KANK1: variants seen among roughly 807,000 people sequenced by gnomAD.
The protein encoded by KANK1 is KN motif and ankyrin repeat domain-containing protein 1.
KANK1 carries 109 observed loss-of-function variants against 106.2 expected under a neutral mutation model. The observed-to-expected ratio is 1.03, with a 90% CI of 0.88 to 1.20. The LOEUF (loss-of-function observed/expected upper bound fraction) is 1.20, where lower values mean the gene tolerates loss of function less well. Ranked by LOEUF, KANK1 falls within the 50% of genes most tolerant of loss-of-function variation. The pLI is 0.00. For missense variants in KANK1, 2,399 were observed against 1,710.7 expected, an observed-to-expected ratio of 1.40 and a Z score of -7.10; for synonymous variants, 873 against 652.2, an observed-to-expected ratio of 1.34 and a Z score of -5.16.
intron 1 of KANK1, among the ~76,000 whole-genome samples, chr9:518,119 C>T (rs12349522): frequency 2.6e-5 from 4 of 151,596 alleles, no homozygotes; most frequent in Non-Finnish European, 5.9e-5. Flanking sequence ...CTCTTTCCTG[C>T]TCTGTCAACT....
At chr9:619,979 A>T (rs1380597148) in intron 1 of KANK1, among the ~76,000 whole-genome samples, 1 of 152,104 alleles carries the variant, frequency 6.6e-6, no homozygotes, top group Non-Finnish European at 1.5e-5. Context: ...TCTACTAAAA[A>T]TAAGAAAATT....
chr9:708,654 A>G (rs1366472765), intron 2 of KANK1, among the ~76,000 whole-genome samples: 3 of 152,160 alleles, frequency 2.0e-5, no homozygotes, highest in South Asian at 4.1e-4. Flanking sequence ...CAGCATTCAC[A>G]CTGTCGGGTG....
intron 1 of KANK1, among the ~76,000 whole-genome samples, chr9:615,043 C>G (rs189393957): frequency 7.2e-5 from 11 of 151,938 alleles, no homozygotes; most frequent in African/African-American, 2.7e-4. Context: ...TGGGCCCAAG[C>G]AATTCTCTTA....
At chr9:696,339 T>G (rs1251227704) in intron 2 of KANK1, among the ~76,000 whole-genome samples, 1 of 151,238 alleles carries the variant, frequency 6.6e-6, no homozygotes, top group Non-Finnish European at 1.5e-5. Context: ...TAGAGTCTGG[T>G]AGAGAAACAC....
chr9:517,487 A>C (rs1247421332), intron 1 of KANK1, among the ~76,000 whole-genome samples: 3 of 151,654 alleles, frequency 2.0e-5, no homozygotes, highest in African/African-American at 7.3e-5. Flanking sequence ...TTTTAGGTTT[A>C]TTTTAGCCAA....
chr9:723,173 G>A (rs998873370), intron 3 of KANK1, among the ~76,000 whole-genome samples: 3 of 152,178 alleles, frequency 2.0e-5, no homozygotes, highest in African/African-American at 7.2e-5. Flanking sequence ...GAGTGGAGGA[G>A]TAGCTGAGAG....
intron 1 of KANK1, among the ~76,000 whole-genome samples, chr9:609,894 C>G (rs1287119267): frequency 2.0e-5 from 3 of 152,116 alleles, no homozygotes; most frequent in Non-Finnish European, 4.4e-5. Context: ...AATTGTACCA[C>G]TCTCACATAG....
chr9:632,019 G>A (rs1248354473), intron 1 of KANK1, among the ~76,000 whole-genome samples: 2 of 152,174 alleles, frequency 1.3e-5, no homozygotes, highest in African/African-American at 4.8e-5. Context: ...TATTGCATGA[G>A]TACAAAGACT....
chr9:734,642 G>C, intron 6 of KANK1, 106 bp from the exon 7 acceptor site: 1 of 721,558 alleles, frequency 1.4e-6, no homozygotes, highest in Non-Finnish European at 2.4e-6. Flanking sequence ...CTCCAGCCTG[G>C]GCGACAGAGC....
chr9:529,217 G>A (rs2059942680), intron 1 of KANK1, among the ~76,000 whole-genome samples: 1 of 148,624 alleles, frequency 6.7e-6, no homozygotes, highest in African/African-American at 2.5e-5. Context: ...AGATAACTCT[G>A]TTAATATATA....
intron 1 of KANK1, among the ~76,000 whole-genome samples, chr9:595,698 T>G (rs1197163998): frequency 2.0e-5 from 3 of 151,650 alleles, no homozygotes; most frequent in African/African-American, 4.9e-5. Flanking sequence ...GCTAATTTAT[T>G]TTTTGTAGAG....
chr9:567,333 C>T (rs1295529002), intron 1 of KANK1, among the ~76,000 whole-genome samples: 2 of 152,166 alleles, frequency 1.3e-5, no homozygotes, highest in Non-Finnish European at 2.9e-5. Flanking sequence ...TACATCTTAG[C>T]AGAATTCAGG....
intron 1 of KANK1, among the ~76,000 whole-genome samples, chr9:537,233 A>T (rs2060348048): frequency 6.6e-6 from 1 of 152,160 alleles, no homozygotes; most frequent in South Asian, 2.1e-4. Flanking sequence ...TTGCGTGGGA[A>T]AATTGGACCC....
intron 1 of KANK1, among the ~76,000 whole-genome samples, chr9:601,781 A>T (rs531228661): frequency 6.6e-6 from 1 of 151,764 alleles, no homozygotes; most frequent in East Asian, 1.9e-4. Context: ...ACTTCCTCAC[A>T]TTATGGCATC....
intron 1 of KANK1, among the ~76,000 whole-genome samples, chr9:508,366 A>G (rs2058871396): frequency 6.6e-6 from 1 of 151,688 alleles, no homozygotes; most frequent in Non-Finnish European, 1.5e-5. Context: ...CGAACTCCCG[A>G]CCTCAGGTGA....
intron 3 of KANK1, among the ~76,000 whole-genome samples, chr9:497,861 A>C (rs113557734): frequency 0.065 from 9,044 of 139,346 alleles, 347 homozygotes; most frequent in Admixed American, 0.1. Flanking sequence ...TTAACCCCCC[A>C]CACACACACA....
chr9:648,578 A>G (rs1398586594), intron 1 of KANK1, among the ~76,000 whole-genome samples: 1 of 152,202 alleles, frequency 6.6e-6, no homozygotes, highest in Non-Finnish European at 1.5e-5. Flanking sequence ...TTAAAATGAC[A>G]TCATCATCGT....
chr9:594,287 C>G (rs1309720504), intron 1 of KANK1, among the ~76,000 whole-genome samples: 2 of 151,828 alleles, frequency 1.3e-5, no homozygotes, highest in African/African-American at 4.9e-5. Context: ...GTGTAGTTTT[C>G]AGGCAGGAGG....
intron 1 of KANK1, among the ~76,000 whole-genome samples, chr9:560,573 G>A (rs1171026440): frequency 6.6e-6 from 1 of 152,168 alleles, no homozygotes; most frequent in Non-Finnish European, 1.5e-5. Flanking sequence ...ACATAAAGAT[G>A]CATTCACTTT....
Sources: gnomAD v4.1 joint callset for allele counts (sites outside exome capture counted in the v4.1 genomes callset) on GRCh38, gnomAD v4.1.1 for gene constraint, MANE v1.5 for transcripts, NCBI Gene and HGNC (gene_info 2026-07-23, HGNC 2026-07-21) for gene names.